ALDH9A1: variants seen among roughly 807,000 people sequenced by gnomAD.
The protein encoded by ALDH9A1 is 4-trimethylaminobutyraldehyde dehydrogenase.
A neutral mutation model predicts 56.6 loss-of-function variants in ALDH9A1; 42 were observed. That is an observed-to-expected ratio of 0.74 (90% CI 0.58 to 0.96). The LOEUF (loss-of-function observed/expected upper bound fraction) is 0.96. Among genes scored for constraint, ALDH9A1 ranks in the 40% least tolerant of loss-of-function variants. ALDH9A1 has a pLI of 0.00. For synonymous variants in ALDH9A1, 242 were observed against 236.0 expected, an observed-to-expected ratio of 1.03 and a Z score of -0.23; for missense variants, 661 against 651.5, an observed-to-expected ratio of 1.01 and a Z score of -0.16.
intron 1 of ALDH9A1, 89 bp from the exon 2 acceptor site, chr1:165,695,486 T>TA: frequency 5.7e-6 from 4 of 704,984 alleles, no homozygotes; most frequent in Middle Eastern, 4.8e-4. Context: ...TTAGTAGTAG[T>TA]CTTTTTTTTT....
chr1:165,684,063 C>T (rs1649635350), intron 2 of ALDH9A1, among the ~76,000 whole-genome samples: 1 of 152,144 alleles, frequency 6.6e-6, no homozygotes, highest in African/African-American at 2.4e-5. Context: ...CTAACTCAAG[C>T]ATCTATCCAC....
chr1:165,686,346 G>C (rs1649707736), intron 2 of ALDH9A1, among the ~76,000 whole-genome samples: 1 of 151,958 alleles, frequency 6.6e-6, no homozygotes, highest in Non-Finnish European at 1.5e-5. Flanking sequence ...AGATAGGGTG[G>C]GAGTTTAGGG....
intron 6 of ALDH9A1, among the ~76,000 whole-genome samples, chr1:165,674,688 A>T (rs1407595619): frequency 6.7e-6 from 1 of 149,834 alleles, no homozygotes. Flanking sequence ...TCCGAATCAA[A>T]AAAAAAAAAA....
chr1:165,679,491 T>C lies in ALDH9A1; in HGVS notation c.881A>G (p.Asn294Ser), dbSNP rs1649474343. The C allele has an allele frequency of 1.2e-6, 2 of 1,614,228 alleles. No individual in the cohort carries two copies. The highest frequency in any genetic ancestry group is 1.7e-6 in the Non-Finnish European group (2 of 1,180,036). Reference protein sequence around the residue: ...PLIIFSDCDMNNAVKGALMAN... With the variant: ...PLIIFSDCDMSNAVKGALMAN... ...CATCAGCGCCCCCTTTACAGCATTGTTCATATCACAGTCTGAGAAGATGAT... is the reference window on the plus strand; with the variant it reads ...CATCAGCGCCCCCTTTACAGCATTGCTCATATCACAGTCTGAGAAGATGAT... The change falls in exon 6 of 11, where the codon AAC becomes AGC. Residue 294 changes from asparagine (N) to serine (S), a missense_variant. Transcript: ENST00000354775.
intron 1 of ALDH9A1, 61 bp downstream of exon 1, chr1:165,698,317 G>T: frequency 6.5e-7 from 1 of 1,539,132 alleles, no homozygotes; most frequent in South Asian, 1.3e-5. Context: ...ACGGGGGCTG[G>T]CCGGGAAATC....
chr1:165,689,653 G>A (rs920985992), intron 2 of ALDH9A1, among the ~76,000 whole-genome samples: 1 of 152,114 alleles, frequency 6.6e-6, no homozygotes, highest in Non-Finnish European at 1.5e-5. Context: ...AAAAAACTAG[G>A]CCGGATGCAG....
At chr1:165,695,221 G>A (rs1455098218) in intron 2 of ALDH9A1, 31 bp downstream of exon 2, 1 of 1,568,092 alleles carries the variant, frequency 6.4e-7, no homozygotes, top group African/African-American at 1.4e-5. Flanking sequence ...AGCAATGTCT[G>A]AGTTCTGGAA....
intron 4 of ALDH9A1, 150 bp downstream of exon 4, chr1:165,681,957 G>T: frequency 9.6e-7 from 1 of 1,043,722 alleles, no homozygotes; most frequent in Non-Finnish European, 1.4e-6. Context: ...GCAGGAACGA[G>T]CCATGTCCTC....
intron 6 of ALDH9A1, among the ~76,000 whole-genome samples, chr1:165,675,944 T>A (rs1305171995): frequency 6.6e-6 from 1 of 152,230 alleles, no homozygotes; most frequent in Non-Finnish European, 1.5e-5. Flanking sequence ...GAATACTAAG[T>A]GTATTCTATG....
intron 2 of ALDH9A1, among the ~76,000 whole-genome samples, chr1:165,683,916 G>A (rs1461517869): frequency 6.6e-6 from 1 of 152,018 alleles, no homozygotes; most frequent in African/African-American, 2.4e-5. Context: ...TGCTATTATG[G>A]GTCCAATTTA....
chr1:165,663,870 G>C (rs922542724), intron 10 of ALDH9A1, among the ~76,000 whole-genome samples: 1 of 152,226 alleles, frequency 6.6e-6, no homozygotes, highest in African/African-American at 2.4e-5. Flanking sequence ...GCACACAGCT[G>C]GTCAGGCCTG....
Position 165,696,919 on chromosome 1 carries a change from T to C in ALDH9A1, c.181+1459A>G, listed in dbSNP as rs553095273. Among the ~76,000 whole-genome samples the C allele has an allele frequency of 7.2e-5, 11 of 152,334 alleles. No homozygotes were observed. The South Asian group carries it at 1.7e-3, about 23-fold the overall frequency. On this transcript the variant is annotated intron_variant, in intron 1 of 10. Transcript: ENST00000354775. ...GGGGTAGAGAAGCTGTTTCCTCCTA[T>C]ATAAAGAAGAGATGTGATAATGCCT...
At chr1:165,665,597 TAAAAA>T (rs376900491) in intron 9 of ALDH9A1, among the ~76,000 whole-genome samples, 1 of 151,432 alleles carries the variant, frequency 6.6e-6, no homozygotes, top group East Asian at 1.9e-4. Context: ...AAGTAACAGA[TAAAAA>T]AAACAGAATT....
rs1649091670 is a variant in ALDH9A1, at chr1:165,669,022, A to C, written c.1120-9T>G. 1 of 1,576,140 alleles carries C rather than the reference A, an allele frequency of 6.3e-7. No homozygotes were observed. The highest frequency in any genetic ancestry group is 1.2e-5 in the South Asian group (1 of 85,566). The stretch of plus-strand genomic sequence containing the variant: ...CATAACACTTTAGCACCCTGCCGAA[A>C]AGGAAAAAAGATATGTTGTATTAAA... On this transcript the variant is annotated splice_polypyrimidine_tract_variant and intron_variant, in intron 7 of 10. Transcript: ENST00000354775.
chr1:165,671,913 A>C (rs571321265), intron 6 of ALDH9A1, among the ~76,000 whole-genome samples: 4 of 152,330 alleles, frequency 2.6e-5, no homozygotes, highest in African/African-American at 9.6e-5. Context: ...TTCATACCCA[A>C]TAGGATGACT....
intron 2 of ALDH9A1, among the ~76,000 whole-genome samples, chr1:165,685,809 C>T (rs1431119916): frequency 1.3e-5 from 2 of 152,194 alleles, no homozygotes; most frequent in Non-Finnish European, 2.9e-5. Context: ...ACTCTGGTGG[C>T]ACTGTACAAG....
At chr1:165,697,750 T>A (rs1430620979) in intron 1 of ALDH9A1, among the ~76,000 whole-genome samples, 2 of 152,128 alleles carry the variant, frequency 1.3e-5, no homozygotes, top group Non-Finnish European at 2.9e-5. Flanking sequence ...AACAGTTGGC[T>A]GGGCTTGGTG....
intron 6 of ALDH9A1, among the ~76,000 whole-genome samples, chr1:165,672,292 T>C (rs1038280719): frequency 4.6e-5 from 7 of 152,172 alleles, no homozygotes; most frequent in Non-Finnish European, 1.0e-4. Context: ...GTGCTGTGTG[T>C]GTATACATAC....
intron 6 of ALDH9A1, among the ~76,000 whole-genome samples, chr1:165,673,502 G>A (rs938509184): frequency 6.6e-6 from 1 of 152,062 alleles, no homozygotes; most frequent in African/African-American, 2.4e-5. Flanking sequence ...CTGGATCAGG[G>A]CCCCTTTGCA....
Sources: allele counts gnomAD v4.1 joint callset (sites outside exome capture counted in the v4.1 genomes callset), GRCh38; gene constraint gnomAD v4.1.1; transcripts MANE v1.5; gene names NCBI Gene and HGNC (gene_info 2026-07-23, HGNC 2026-07-21).